AGMO: variants seen among roughly 807,000 people sequenced by gnomAD.
AGMO encodes the protein glyceryl-ether monooxygenase.
In AGMO, 75 loss-of-function variants were observed where a neutral mutation model predicts 60.2. The observed-to-expected ratio is 1.25, with a 90% CI of 1.03 to 1.51. The LOEUF is 1.51. AGMO is among the 40% of genes most tolerant of loss of function. The pLI, the probability that AGMO is intolerant of heterozygous loss-of-function variation, is 0.00. For synonymous variants in AGMO, 261 were observed against 177.1 expected (o/e 1.47, Z -3.76); for missense variants, 763 against 525.5 (o/e 1.45, Z -4.42).
intron 12 of AGMO, among the ~76,000 whole-genome samples, chr7:15,261,487 C>T (rs1583339114): frequency 1.3e-5 from 2 of 151,806 alleles, no homozygotes; most frequent in African/African-American, 4.8e-5. Context: ...CAATAACAAG[C>T]AGTGAGATGG....
In AGMO at chr7:15,242,335, T is replaced by G. The variant is rs562823185; in HGVS notation, c.1264-40976A>C. 2.0e-5 allele frequency among the ~76,000 whole-genome samples: 3 copies of G among 152,310 alleles called. No homozygotes were observed. In the South Asian group the frequency reaches 6.2e-4, roughly 32 times the overall value. On this transcript the variant is annotated intron_variant, in intron 12 of 12. Coordinates refer to ENST00000342526, the MANE Select transcript of AGMO (RefSeq NM_001004320.2). ...CTAGTTAATGGATGGATCTTCCAGATAGTGAGAACTAAATTTAAGTCCTAA... is the reference window on the plus strand; with the variant it reads ...CTAGTTAATGGATGGATCTTCCAGAGAGTGAGAACTAAATTTAAGTCCTAA...
At chr7:15,228,182 T>G (rs1209335923) in intron 12 of AGMO, among the ~76,000 whole-genome samples, 1 of 152,108 alleles carries the variant, frequency 6.6e-6, no homozygotes, top group Non-Finnish European at 1.5e-5. Flanking sequence ...AAGTCTACAC[T>G]TTTCCAACAG....
At chr7:15,269,192 G>T (rs896273728) in intron 12 of AGMO, among the ~76,000 whole-genome samples, 12 of 152,096 alleles carry the variant, frequency 7.9e-5, no homozygotes, top group African/African-American at 2.9e-4. Context: ...ATAGGCCGTA[G>T]TCCACTTAGT....
At chr7:15,377,453 G>A (rs964044075) in intron 10 of AGMO, among the ~76,000 whole-genome samples, 1 of 123,660 alleles carries the variant, frequency 8.1e-6, no homozygotes, top group African/African-American at 2.7e-5. Context: ...TGTACACAGT[G>A]TCTGGCTACA....
intron 12 of AGMO, among the ~76,000 whole-genome samples, chr7:15,322,452 AT>A (rs1781138549): frequency 8.5e-5 from 7 of 82,082 alleles, no homozygotes; most frequent in Non-Finnish European, 1.5e-4. Flanking sequence ...ATAAATATAT[AT>A]ATAAATATAT....
chr7:15,247,760 T>C (rs184971876), intron 12 of AGMO, among the ~76,000 whole-genome samples: 93 of 152,248 alleles, frequency 6.1e-4, no homozygotes, highest in African/African-American at 1.9e-3. Flanking sequence ...GATTTAATTA[T>C]TCATTTTTTC....
chr7:15,256,021 G>A (rs1397691792), intron 12 of AGMO, among the ~76,000 whole-genome samples: 2 of 152,198 alleles, frequency 1.3e-5, no homozygotes, highest in African/African-American at 4.8e-5. Flanking sequence ...CAATGCCGTG[G>A]TATAGTGAAA....
At chr7:15,408,571 C>G (rs1784763655) in intron 5 of AGMO, among the ~76,000 whole-genome samples, 1 of 151,590 alleles carries the variant, frequency 6.6e-6, no homozygotes, top group Admixed American at 6.6e-5. Flanking sequence ...AACAATTATG[C>G]CAGAAAAAAT....
At chr7:15,145,491 T>C in the AGMO span, among the ~76,000 whole-genome samples, 1 of 152,150 alleles carries the variant, frequency 6.6e-6, no homozygotes, top group Non-Finnish European at 1.5e-5. Context: ...AGCTTATATG[T>C]TCAAAGTAAA....
the AGMO span, among the ~76,000 whole-genome samples, chr7:15,152,342 G>A: frequency 5.9e-5 from 9 of 152,166 alleles, no homozygotes; most frequent in Admixed American, 2.6e-4. Context: ...ATGGTAAAAG[G>A]TTTTTTGAAT....
intron 12 of AGMO, among the ~76,000 whole-genome samples, chr7:15,346,868 T>A (rs1465708947): frequency 6.6e-6 from 1 of 151,952 alleles, no homozygotes; most frequent in Non-Finnish European, 1.5e-5. Context: ...GTAACTATTT[T>A]GTATATCTAA....
chr7:15,523,515 A>G (rs757999166), intron 3 of AGMO, among the ~76,000 whole-genome samples: 24 of 152,326 alleles, frequency 1.6e-4, no homozygotes, highest in Non-Finnish European at 3.2e-4. Context: ...AAAAATAATG[A>G]GTTTACATCC....
intron 5 of AGMO, 116 bp from the exon 6 acceptor site, chr7:15,394,295 G>T: frequency 2.5e-6 from 2 of 794,274 alleles, no homozygotes; most frequent in African/African-American, 1.8e-5. Context: ...TTTCAGGGTT[G>T]GTATCAGAGA....
rs576021295 is a variant in AGMO at position 15,464,696 on chromosome 7, T to C, written c.410-33588A>G. Among the ~76,000 whole-genome samples, 24 of 152,288 alleles carry C rather than the reference T, an allele frequency of 1.6e-4. No individual in the cohort carries two copies. In the South Asian group the frequency reaches 4.6e-3, roughly 29 times the overall value. ...GAGACTATAATGTCATAACATTGCTTGTAGACAAGACAGCAGTTATAAACA... is the reference window on the plus strand; with the variant it reads ...GAGACTATAATGTCATAACATTGCTCGTAGACAAGACAGCAGTTATAAACA... On this transcript the variant is annotated intron_variant, in intron 3 of 12. Coordinates refer to ENST00000342526, the MANE Select transcript of AGMO (RefSeq NM_001004320.2).
intron 3 of AGMO, among the ~76,000 whole-genome samples, chr7:15,491,178 A>C (rs1419367060): frequency 2.0e-5 from 3 of 152,200 alleles, no homozygotes; most frequent in African/African-American, 7.2e-5. Context: ...AAAATACAGA[A>C]ATGACAGCGG....
At chr7:15,311,122 T>C (rs940093665) in intron 12 of AGMO, among the ~76,000 whole-genome samples, 1 of 152,156 alleles carries the variant, frequency 6.6e-6, no homozygotes, top group Non-Finnish European at 1.5e-5. Flanking sequence ...ACCGTTATTC[T>C]GCTTCCAACA....
At chr7:15,523,688 G>A (rs1784056949) in intron 3 of AGMO, among the ~76,000 whole-genome samples, 1 of 152,050 alleles carries the variant, frequency 6.6e-6, no homozygotes, top group Non-Finnish European at 1.5e-5. Context: ...GTCTGGTGGT[G>A]GAGTCAAGGG....
intron 10 of AGMO, among the ~76,000 whole-genome samples, chr7:15,370,512 G>T (rs1025263828): frequency 1.3e-5 from 2 of 152,198 alleles, no homozygotes; most frequent in African/African-American, 4.8e-5. Flanking sequence ...CTCACCAACA[G>T]TGTGTATGTG....
intron 3 of AGMO, among the ~76,000 whole-genome samples, chr7:15,507,804 A>T (rs1583626173): frequency 6.6e-6 from 1 of 152,214 alleles, no homozygotes; most frequent in East Asian, 1.9e-4. Flanking sequence ...AAAGCATATT[A>T]GATAGATATT....
Sources: gnomAD v4.1 joint callset for allele counts (sites outside exome capture counted in the v4.1 genomes callset) on GRCh38, gnomAD v4.1.1 for gene constraint, MANE v1.5 for transcripts, NCBI Gene and HGNC (gene_info 2026-07-23, HGNC 2026-07-21) for gene names.